Variants in PDE11A observed in about 807,000 individuals in gnomAD.
The protein encoded by PDE11A is dual 3',5'-cyclic-AMP and -GMP phosphodiesterase 11A.
A neutral mutation model predicts 100.5 loss-of-function variants in PDE11A; 100 were observed. That is an observed-to-expected ratio of 1.00 (90% CI 0.85 to 1.18). PDE11A has a LOEUF of 1.18. Among genes scored for constraint, PDE11A ranks in the 50% most tolerant of loss-of-function variants. The pLI, the probability that PDE11A is intolerant of heterozygous loss-of-function variation, is 0.00. For missense variants in PDE11A, 1,141 were observed against 1,152.6 expected, an observed-to-expected ratio of 0.99 and a Z score of 0.15; for synonymous variants, 381 against 420.8, an observed-to-expected ratio of 0.91 and a Z score of 1.16.
chr2:177,751,432 A>T (rs1361333619), intron 10 of PDE11A, among the ~76,000 whole-genome samples: 1 of 152,224 alleles, frequency 6.6e-6, no homozygotes, highest in Non-Finnish European at 1.5e-5. Context: ...TTGTAGGTAA[A>T]CATTCCAAGA....
At chr2:177,831,814 ATTAC>A (rs1248501507) in intron 6 of PDE11A, among the ~76,000 whole-genome samples, 3 of 152,212 alleles carry the variant, frequency 2.0e-5, no homozygotes, top group Non-Finnish European at 4.4e-5. Context: ...AAGTTTATCT[ATTAC>A]TTTAACTGAT....
At chr2:178,038,218 G>C (rs909509910) in intron 1 of PDE11A, among the ~76,000 whole-genome samples, 1 of 151,986 alleles carries the variant, frequency 6.6e-6, no homozygotes, top group Non-Finnish European at 1.5e-5. Context: ...CCACAATCAA[G>C]ATATGAATAT....
chr2:177,913,182 TAGTC>T (rs1220867104), intron 2 of PDE11A, among the ~76,000 whole-genome samples: 10 of 152,220 alleles, frequency 6.6e-5, no homozygotes, highest in Admixed American at 2.0e-4. Context: ...GTAGTTTACT[TAGTC>T]AATCATAGAA....
intron 2 of PDE11A, among the ~76,000 whole-genome samples, chr2:178,096,424 C>T (rs545642313): frequency 2.0e-5 from 3 of 151,590 alleles, no homozygotes; most frequent in South Asian, 2.1e-4. Flanking sequence ...CCGCCCGCCT[C>T]GGCCTCCCAA....
At chr2:177,998,778 G>A (rs1358479367) in intron 2 of PDE11A, 10 of 746,592 alleles carry the variant, frequency 1.3e-5, no homozygotes, top group Non-Finnish European at 2.2e-5. Context: ...CATGGTGAGC[G>A]ACAAGCCCAG....
intron 4 of PDE11A, among the ~76,000 whole-genome samples, chr2:177,896,381 C>T (rs751771512): frequency 2.0e-5 from 3 of 152,196 alleles, no homozygotes; most frequent in Non-Finnish European, 2.9e-5. Context: ...AGAATGACCA[C>T]GCTTAACTGG....
intron 9 of PDE11A, among the ~76,000 whole-genome samples, chr2:177,797,783 T>G (rs1026301536): frequency 2.6e-5 from 4 of 152,172 alleles, no homozygotes; most frequent in African/African-American, 9.6e-5. Flanking sequence ...CAAAAATCAT[T>G]TAACAGAAAA....
rs2079799367 is a variant in PDE11A at position 177,624,093 on chromosome 2, A to C, written c.*5314T>G. 1 of 152,146 alleles carries C rather than the reference A, an allele frequency of 6.6e-6. No individual in the cohort carries two copies. Among genetic ancestry groups the C allele is most frequent in the African/African-American group, 2.4e-5 (1 of 41,432 alleles). 9.4% of individuals were successfully genotyped at this position (152,146 alleles called of 1,614,324 possible). On this transcript the variant is annotated 3_prime_UTR_variant, in exon 20 of 20. Transcript: ENST00000286063. Reference sequence around the variant, plus strand: ...ACTTAACCTTTACATTTCCTGATACATTTGAGTTTTGGGAGTTCTTTACAG... The same window carrying C: ...ACTTAACCTTTACATTTCCTGATACCTTTGAGTTTTGGGAGTTCTTTACAG...
rs144278351 is a variant in PDE11A at position 177,920,570 on chromosome 2, A to G, written c.1072-15383T>C. Among the ~76,000 whole-genome samples, 17 of 152,290 alleles carry G rather than the reference A, an allele frequency of 1.1e-4. No homozygotes were observed. The East Asian group carries it at 2.9e-3, about 26-fold the overall frequency. ...AACAAGCATTCTCATATAATTATTG[A>G]GGGAGATTCATTGGTGCAACAATTC... On this transcript the variant is annotated intron_variant, in intron 2 of 19. Coordinates refer to ENST00000286063, the MANE Select transcript of PDE11A (RefSeq NM_016953.4).
chr2:177,789,891 G>T lies in PDE11A; in HGVS notation c.1738-20518C>A, dbSNP rs367692958. On this transcript the variant is annotated intron_variant, in intron 9 of 19. Coordinates refer to ENST00000286063, the MANE Select transcript of PDE11A (RefSeq NM_016953.4). ...ACCACTGCTCAATGAAATAAAAGAG[G>T]ATACAAACAAATGGAAGAACATTCC... Among the ~76,000 whole-genome samples the T allele has an allele frequency of 8.6e-5, 13 of 151,868 alleles. No homozygotes were observed. The South Asian group carries it at 1.9e-3, about 22-fold the overall frequency.
At chr2:177,666,504 C>T (rs2080585651) in intron 18 of PDE11A, among the ~76,000 whole-genome samples, 1 of 152,196 alleles carries the variant, frequency 6.6e-6, no homozygotes, top group African/African-American at 2.4e-5. Context: ...CACCATTTTA[C>T]ATTCCTGCTA....
intron 12 of PDE11A, among the ~76,000 whole-genome samples, chr2:177,714,448 A>G (rs932225668): frequency 1.1e-4 from 17 of 152,228 alleles, no homozygotes; most frequent in African/African-American, 3.4e-4. Flanking sequence ...GGTAGAAACT[A>G]TTACTGTCCC....
upstream of PDE11A, among the ~76,000 whole-genome samples, chr2:178,075,952 C>T (rs915567547): frequency 6.6e-6 from 1 of 152,140 alleles, no homozygotes; most frequent in African/African-American, 2.4e-5. Flanking sequence ...CTGTGTAATT[C>T]TGACCTCTTC....
intron 19 of PDE11A, among the ~76,000 whole-genome samples, chr2:177,635,614 G>A (rs2080027306): frequency 6.6e-6 from 1 of 152,140 alleles, no homozygotes; most frequent in African/African-American, 2.4e-5. Context: ...ATACAAAACG[G>A]TACAAAGGTG....
intron 1 of PDE11A, among the ~76,000 whole-genome samples, chr2:178,030,615 C>T (rs553670228): frequency 1.3e-5 from 2 of 152,010 alleles, no homozygotes; most frequent in Admixed American, 1.3e-4. Flanking sequence ...GTGGCTCACA[C>T]CTGTAATCCC....
intron 2 of PDE11A, among the ~76,000 whole-genome samples, chr2:177,995,516 G>A (rs78105705): frequency 0.026 from 3,991 of 152,188 alleles, 157 homozygotes; most frequent in African/African-American, 0.09. Context: ...TCATTCAGGC[G>A]TTTGATTTGA....
intron 5 of PDE11A, among the ~76,000 whole-genome samples, chr2:177,841,187 C>T (rs945887274): frequency 6.6e-6 from 1 of 152,148 alleles, no homozygotes; most frequent in African/African-American, 2.4e-5. Context: ...TAATATCCCT[C>T]ATTCTTCTCC....
chr2:177,712,999 T>C (rs6726321), intron 12 of PDE11A, among the ~76,000 whole-genome samples: 35,329 of 151,366 alleles, frequency 0.23, 5,844 homozygotes, highest in African/African-American at 0.47. Flanking sequence ...ATAACAGGTT[T>C]CTGTGTTGAC....
At chr2:177,962,176 G>A (rs1392407185) in intron 2 of PDE11A, among the ~76,000 whole-genome samples, 1 of 150,474 alleles carries the variant, frequency 6.6e-6, no homozygotes, top group African/African-American at 2.5e-5. Flanking sequence ...TTTAAGCCTT[G>A]CATCATGTAA....
Sources: allele counts gnomAD v4.1 joint callset (sites outside exome capture counted in the v4.1 genomes callset), GRCh38; gene constraint gnomAD v4.1.1; transcripts MANE v1.5; gene names NCBI Gene and HGNC (gene_info 2026-07-23, HGNC 2026-07-21).